The following IL18BP variants were observed in gnomAD, a reference collection of about 807,000 sequenced individuals.
IL18BP encodes interleukin 18 binding protein, also known as interleukin-18-binding protein.
IL18BP carries 23 observed loss-of-function variants against 19.9 expected under a neutral mutation model. The ratio of observed to expected loss-of-function variants is 1.15; its 90% CI spans 0.83 to 1.64. IL18BP has a LOEUF of 1.64. Among genes scored for constraint, IL18BP ranks in the 40% most tolerant of loss-of-function variants. The pLI is 0.00. For synonymous variants in IL18BP, 107 were observed against 101.0 expected (o/e 1.06, Z -0.35); for missense variants, 239 against 240.7 (o/e 0.99, Z 0.05).
At chr11:72,001,382 C>G in intron 4 of IL18BP, 23 bp from the exon 5 acceptor site, 1 of 1,614,160 alleles carries the variant, frequency 6.2e-7, no homozygotes, top group South Asian at 1.1e-5. Flanking sequence ...CTTCTCATGA[C>G]CTTTCCTTCC....
At chr11:72,005,359 G>C, downstream of IL18BP, 1 of 1,607,338 alleles carries the variant, frequency 6.2e-7, no homozygotes, top group East Asian at 2.3e-5. Flanking sequence ...CCATGTAGAA[G>C]CTGTTCCTTC....
rs1053126948 is a variant in IL18BP at position 72,000,631 on chromosome 11, G to C, written c.235+74G>C. 46 of 1,261,034 alleles carry C rather than the reference G, an allele frequency of 3.6e-5. 1 individual carries two copies. The highest frequency in any genetic ancestry group is 5.6e-6 in the Non-Finnish European group (5 of 887,562). The allele number at this position is 1,261,034 out of a possible 1,614,324, so 78.1% of individuals were successfully genotyped here. A position where few individuals can be genotyped will look rare whatever the true frequency, so the allele number is the denominator to read the frequency against. On this transcript the variant is annotated intron_variant, in intron 3 of 5. Coordinates refer to ENST00000393703, the MANE Select transcript of IL18BP (RefSeq NM_001039660.2). ...GGGTCGGGTTGACTCCTGAGCGCCA[G>C]TCCCCTTCTGCCCATGTACCACCAG... is the stretch of plus-strand genomic sequence containing the variant.
chr11:72,004,525 A>G, downstream of IL18BP: 1 of 1,261,450 alleles, frequency 7.9e-7, no homozygotes. Context: ...CCTTGGAGAG[A>G]GGGAAAGAGA....
downstream of IL18BP, chr11:72,006,210 C>A (rs140742013): frequency 3.1e-5 from 50 of 1,614,026 alleles, no homozygotes; most frequent in Non-Finnish European, 4.0e-5. Context: ...CAGGAGCAGA[C>A]CGCGTGCTGT....
At chr11:72,004,334 T>G (rs750100181), downstream of IL18BP, 10 of 1,612,224 alleles carry the variant, frequency 6.2e-6, no homozygotes, top group South Asian at 7.7e-5. Flanking sequence ...GCTGGTGGCC[T>G]TCTTAGACTA....
chr11:72,001,662 C>T (rs575244087), intron 5 of IL18BP, 110 bp downstream of exon 5: 8 of 1,604,296 alleles, frequency 5.0e-6, no homozygotes, highest in Non-Finnish European at 6.8e-6. Flanking sequence ...GCCCAGCATT[C>T]CTCAAGGTCA....
At chr11:71,999,260 G>A (rs964479235) in intron 1 of IL18BP, 2 of 431,558 alleles carry the variant, frequency 4.6e-6, no homozygotes, top group African/African-American at 4.1e-5. Context: ...GAATGTCAGT[G>A]TGAAGGTGAA....
At chr11:72,005,345 G>A (rs1955616356), downstream of IL18BP, 2 of 1,608,268 alleles carry the variant, frequency 1.2e-6, no homozygotes, top group Admixed American at 1.7e-5. Flanking sequence ...ATCCTGGCAA[G>A]TGCCCATGTA....
At chr11:72,004,134 T>C, downstream of IL18BP, 1 of 1,611,964 alleles carries the variant, frequency 6.2e-7, no homozygotes, top group Non-Finnish European at 8.5e-7. Flanking sequence ...GGAGACCCAA[T>C]GCTGCCTTCC....
rs2134263710 is a variant in IL18BP at position 72,001,814 on chromosome 11, C to T, written c.538C>T (p.Gln180Ter). Residue 180 changes from glutamine (Q) to a stop codon, truncating the protein, a stop_gained, in exon 6 of 6, where the codon CAA becomes TAA. Transcript: ENST00000393703. LOFTEE classifies it high-confidence loss of function. Reference sequence around the variant, plus strand: ...GCTGAGGGCAACCTTGCCCCCCACCCAAGAAGCCCTGCCCTCCAGCCACAG... The same window carrying T: ...GCTGAGGGCAACCTTGCCCCCCACCTAAGAAGCCCTGCCCTCCAGCCACAG... ...AGLRATLPPT[Q>*]EALPSSHSSP... is the part of the protein sequence containing the mutation. 6.2e-7 allele frequency: 1 copy of T among 1,614,004 alleles called. No individual in the cohort carries two copies. Among genetic ancestry groups the T allele is most frequent in the Non-Finnish European group, 8.5e-7 (1 of 1,179,950 alleles).
downstream of IL18BP, chr11:72,007,392 C>T: frequency 6.2e-7 from 1 of 1,613,830 alleles, no homozygotes; most frequent in Non-Finnish European, 8.5e-7. Flanking sequence ...GAGGCTGGTT[C>T]TCCAGGGACG....
chr11:72,001,222 G>A lies in IL18BP; in HGVS notation c.257G>A (p.Cys86Tyr), dbSNP rs1955208623. ...VPLNGTLSLSCVACSRFPNFS... is the reference protein window; with the variant it reads ...VPLNGTLSLSYVACSRFPNFS... ...CTAGATGGAACGCTGAGCTTATCCT[G>A]TGTGGCCTGCAGCCGCTTCCCCAAC... is the stretch of plus-strand genomic sequence containing the variant. The change falls in exon 4 of 6, where the codon TGT becomes TAT. Residue 86 changes from cysteine (C) to tyrosine (Y), a missense_variant. Coordinates refer to ENST00000393703, the MANE Select transcript of IL18BP (RefSeq NM_001039660.2). The A allele has an allele frequency of 1.9e-6, 3 of 1,614,086 alleles. No individual in the cohort carries two copies. Among genetic ancestry groups the A allele is most frequent in the African/African-American group, 2.7e-5 (2 of 74,922 alleles).
rs1955311554 is a variant in IL18BP, at chr11:72,002,428, T to C, written c.*567T>C. ...TTTTTTTTTTCCCCCTTCACTCTAA[T>C]GGACTGTTCCAGGGAAGGGATGGGG... On this transcript the variant is annotated 3_prime_UTR_variant, in exon 6 of 6. Coordinates refer to ENST00000393703, the MANE Select transcript of IL18BP (RefSeq NM_001039660.2). 1 of 159,536 alleles carries C rather than the reference T, an allele frequency of 6.3e-6. No individual in the cohort carries two copies. Among genetic ancestry groups the C allele is most frequent in the African/African-American group, 2.4e-5 (1 of 41,434 alleles). 9.9% of individuals were successfully genotyped at this position (159,536 alleles called of 1,614,324 possible).
intron 3 of IL18BP, 133 bp from the exon 4 acceptor site, chr11:72,001,068 A>G: frequency 1.9e-6 from 2 of 1,040,112 alleles, no homozygotes; most frequent in South Asian, 2.9e-5. Context: ...GTTCCCACCT[A>G]GGTGGTGTGC....
downstream of IL18BP, chr11:72,006,344 G>T (rs956052405): frequency 2.4e-5 from 29 of 1,198,672 alleles, no homozygotes; most frequent in African/African-American, 3.8e-4. Flanking sequence ...GAAGCCCTCA[G>T]ATCCCACGGC....
In IL18BP at chr11:72,001,298, AGGCC is replaced by A; in HGVS notation, c.335_338del (p.Gly112AspfsTer27). The A allele has an allele frequency of 3.7e-6, 6 of 1,614,222 alleles. No homozygotes were observed. The highest frequency in any genetic ancestry group is 5.1e-6 in the Non-Finnish European group (6 of 1,180,040). ...ATGGTTCCTTCATTGAGCACCTCCCAGGCCGACTGTGGGAGGGGAGCACCAGGTG... is the reference window on the plus strand; with the variant it reads ...ATGGTTCCTTCATTGAGCACCTCCCAGACTGTGGGAGGGGAGCACCAGGTG... On this transcript the variant is annotated frameshift_variant, in exon 4 of 6. Transcript: ENST00000393703. LOFTEE classifies it high-confidence loss of function.
At position 72,001,424 on chromosome 11, in the gene IL18BP, G is replaced by GGT; in HGVS notation, c.380_381dup (p.Thr128ValfsTer13). The GGT allele has an allele frequency of 6.2e-7, 1 of 1,614,200 alleles. No homozygotes were observed. Among genetic ancestry groups the GGT allele is most frequent in the Non-Finnish European group, 8.5e-7 (1 of 1,180,010 alleles). On this transcript the variant is annotated frameshift_variant, in exon 5 of 6. Transcript: ENST00000393703. LOFTEE classifies it high-confidence loss of function. Reference sequence around the variant, plus strand: ...CTCCAGCCGGGAACGTGGGAGCACAGGTACGCAGCTGTGCAAGGCCTTGGT... The same window carrying GGT: ...CTCCAGCCGGGAACGTGGGAGCACAGGTGTACGCAGCTGTGCAAGGCCTTGGT...
intron 3 of IL18BP, among the ~76,000 whole-genome samples, chr11:72,000,851 G>C (rs1437230531): frequency 6.6e-6 from 1 of 152,204 alleles, no homozygotes; most frequent in Admixed American, 6.5e-5. Context: ...GAGCCTGCTG[G>C]CCTCTGGCCA....
Position 72,001,348 on chromosome 11 carries a change from G to T in IL18BP, c.359+24G>T, listed in dbSNP as rs199617222. 9.8e-5 allele frequency: 158 copies of T among 1,614,232 alleles called. 1 individual carries two copies. In the African/African-American group the frequency reaches 1.8e-3, roughly 19 times the overall value. On this transcript the variant is annotated intron_variant, in intron 4 of 5. Coordinates refer to ENST00000393703, the MANE Select transcript of IL18BP (RefSeq NM_001039660.2). The stretch of plus-strand genomic sequence containing the variant: ...AGGTGAGGGTCGCAGCAGCCAGGTG[G>T]GTGGGAAGGAGGCCTTCTGCGGCCT...
Sources: allele counts gnomAD v4.1 joint callset (sites outside exome capture counted in the v4.1 genomes callset), GRCh38; gene constraint gnomAD v4.1.1; transcripts MANE v1.5; gene names NCBI Gene and HGNC (gene_info 2026-07-23, HGNC 2026-07-21).